The following MMP16 variants were observed in gnomAD, a reference collection of about 807,000 sequenced individuals.
MMP16 encodes matrix metallopeptidase 16.
In MMP16, 12 loss-of-function variants were observed where a neutral mutation model predicts 67.8. The observed-to-expected ratio is 0.18, with a 90% CI of 0.11 to 0.29. The LOEUF (loss-of-function observed/expected upper bound fraction) is 0.29, where lower values mean the gene tolerates loss of function less well. Ranked by LOEUF, MMP16 falls within the 10% of genes least tolerant of loss-of-function variation. The pLI, the probability that MMP16 is intolerant of heterozygous loss-of-function variation, is 1.00. For synonymous variants in MMP16, 249 were observed against 255.9 expected (o/e 0.97, Z 0.26); for missense variants, 475 against 765.7 (o/e 0.62, Z 4.48).
chr8:88,305,625 TAAG>T (rs754524583), intron 1 of MMP16, among the ~76,000 whole-genome samples: 5 of 152,162 alleles, frequency 3.3e-5, no homozygotes, highest in Non-Finnish European at 5.9e-5. Context: ...AACTCAAGAT[TAAG>T]AAGTTCACTC....
At chr8:88,224,648 T>C (rs1006743735) in intron 1 of MMP16, among the ~76,000 whole-genome samples, 1 of 152,030 alleles carries the variant, frequency 6.6e-6, no homozygotes, top group Non-Finnish European at 1.5e-5. Flanking sequence ...AAGTAACCTA[T>C]GCTTGAACTG....
chr8:88,261,262 C>G (rs1318174455), intron 1 of MMP16, among the ~76,000 whole-genome samples: 1 of 152,034 alleles, frequency 6.6e-6, no homozygotes, highest in African/African-American at 2.4e-5. Flanking sequence ...TGTACTGATT[C>G]TGGTTATTTC....
chr8:88,276,469 C>T (rs949459439), intron 1 of MMP16, among the ~76,000 whole-genome samples: 3 of 152,050 alleles, frequency 2.0e-5, no homozygotes, highest in Non-Finnish European at 4.4e-5. Context: ...AAATGCATTG[C>T]TTTGTATTTA....
chr8:88,250,934 T>G (rs1251126703), intron 1 of MMP16, among the ~76,000 whole-genome samples: 2 of 63,662 alleles, frequency 3.1e-5, no homozygotes, highest in South Asian at 5.6e-4. Flanking sequence ...CCCCTCCCCC[T>G]ACCCCACAAC....
At chr8:88,099,888 G>A (rs1455701777) in intron 6 of MMP16, among the ~76,000 whole-genome samples, 1 of 151,872 alleles carries the variant, frequency 6.6e-6, no homozygotes, top group African/African-American at 2.4e-5. Flanking sequence ...CTGATTAGTT[G>A]ATTAATGTCT....
In MMP16 at chr8:88,035,535, CT is replaced by C. The variant is rs1808043391; in HGVS notation, c.*5925del. 6.6e-6 allele frequency: 1 copy of C among 152,006 alleles called. No individual in the cohort carries two copies. Among genetic ancestry groups the C allele is most frequent in the Non-Finnish European group, 1.5e-5 (1 of 67,930 alleles). The allele number at this position is 152,006 out of a possible 1,614,324, so 9.4% of individuals were successfully genotyped here. A position where few individuals can be genotyped will look rare whatever the true frequency, so the allele number is the denominator to read the frequency against. ...ACTTACTCTGCACTGACCATGAGTT[CT>C]GGTTTATGCCCTTATTTGCCTTAGA... On this transcript the variant is annotated 3_prime_UTR_variant, in exon 10 of 10. Coordinates refer to ENST00000286614, the MANE Select transcript of MMP16 (RefSeq NM_005941.5). The surrounding 1 kb of genome is among the most constrained non-coding windows in gnomAD (Gnocchi z 4.7).
chr8:88,306,300 C>T (rs949179330), intron 1 of MMP16, among the ~76,000 whole-genome samples: 1 of 152,060 alleles, frequency 6.6e-6, no homozygotes, highest in Non-Finnish European at 1.5e-5. Flanking sequence ...AAATAGCCTA[C>T]CAACAACAAA....
At chr8:88,259,751 G>A (rs1295309349) in intron 1 of MMP16, among the ~76,000 whole-genome samples, 2 of 152,082 alleles carry the variant, frequency 1.3e-5, no homozygotes, top group Non-Finnish European at 2.9e-5. Flanking sequence ...TGGTTATTTT[G>A]AAGATTATTT....
At chr8:88,146,687 T>C (rs1242717793) in intron 4 of MMP16, among the ~76,000 whole-genome samples, 3 of 151,942 alleles carry the variant, frequency 2.0e-5, no homozygotes, top group East Asian at 3.8e-4. Context: ...AAATGATACT[T>C]CTTTTTTTGG....
At chr8:88,148,140 T>C (rs892852919) in intron 4 of MMP16, among the ~76,000 whole-genome samples, 2 of 152,212 alleles carry the variant, frequency 1.3e-5, no homozygotes, top group Admixed American at 1.3e-4. Flanking sequence ...ATTCTTACTA[T>C]TGCATTTCTA....
At position 88,074,652 on chromosome 8, in the gene MMP16, A is replaced by G; in HGVS notation, c.1175T>C (p.Ile392Thr). Residue 392 changes from isoleucine to threonine, a missense_variant, in exon 7 of 10, where the codon ATC becomes ACC. Physicochemically the swap from Ile to Thr is moderately conservative, Grantham distance 89. Around this residue, in one of 5 missense-constraint regions of MMP16, gnomAD observed 195 missense variants for 300.9 expected, o/e 0.65. Transcript: ENST00000286614. ...GTCGCTATTTTCATAAACTGCATCG[A>G]TACTAGGAGGCAAGCCCCGCCAGAA... ...TYFWRGLPPS[I>T]DAVYENSDGN... The G allele has an allele frequency of 6.2e-7, 1 of 1,613,762 alleles. No homozygotes were observed. Among genetic ancestry groups the G allele is most frequent in the Non-Finnish European group, 8.5e-7 (1 of 1,179,778 alleles).
rs1288367357 is a variant in MMP16, at chr8:88,069,462, C to T, written c.1222+5143G>A. ...CACTGACTGCCTTTGTTCTAGAATC[C>T]ATTTCCAATGGTATTTGTAGAGCCA... On this transcript the variant is annotated intron_variant, in intron 7 of 9. Coordinates refer to ENST00000286614, the MANE Select transcript of MMP16 (RefSeq NM_005941.5). 4 of 531,504 alleles carry T rather than the reference C, an allele frequency of 7.5e-6. No individual in the cohort carries two copies. The Admixed American group carries it at 7.9e-5, about 10-fold the overall frequency. The allele number at this position is 531,504 out of a possible 1,614,324, so 32.9% of individuals were successfully genotyped here. A position where few individuals can be genotyped will look rare whatever the true frequency, so the allele number is the denominator to read the frequency against.
chr8:88,081,112 T>C (rs774109695), intron 6 of MMP16, among the ~76,000 whole-genome samples: 27 of 152,102 alleles, frequency 1.8e-4, no homozygotes, highest in Admixed American at 1.1e-3. Context: ...CAGGTAGCTA[T>C]GTACATCTGG....
chr8:88,232,971 GAA>G (rs1028411718), intron 1 of MMP16, among the ~76,000 whole-genome samples: 2 of 152,278 alleles, frequency 1.3e-5, no homozygotes, highest in Middle Eastern at 3.4e-3. Context: ...GTTAGATTCT[GAA>G]GTCAGGGGAT....
intron 1 of MMP16, among the ~76,000 whole-genome samples, chr8:88,309,757 T>C (rs533553550): frequency 6.6e-6 from 1 of 152,118 alleles, no homozygotes; most frequent in Non-Finnish European, 1.5e-5. Flanking sequence ...GTATTCTCTG[T>C]TTTTATCCTG....
chr8:88,106,877 T>G (rs1257866228), intron 6 of MMP16, among the ~76,000 whole-genome samples: 2 of 151,206 alleles, frequency 1.3e-5, no homozygotes, highest in Non-Finnish European at 3.0e-5. Context: ...TCATAAATAT[T>G]TTCAGCCATG....
chr8:88,256,857 T>C (rs1454827017), intron 1 of MMP16, among the ~76,000 whole-genome samples: 2 of 152,144 alleles, frequency 1.3e-5, no homozygotes, highest in East Asian at 3.9e-4. Flanking sequence ...TAGCCAAATG[T>C]TATTTTATTT....
chr8:88,213,731 TTAATGTCA>T (rs1368019286), intron 1 of MMP16, among the ~76,000 whole-genome samples: 2 of 152,190 alleles, frequency 1.3e-5, no homozygotes, highest in Admixed American at 6.5e-5. Context: ...GGTATTAACT[TTAATGTCA>T]TAATTACATA....
At chr8:88,118,503 A>G (rs1166194958) in intron 5 of MMP16, among the ~76,000 whole-genome samples, 197 bp downstream of exon 5, 1 of 152,078 alleles carries the variant, frequency 6.6e-6, no homozygotes, top group East Asian at 1.9e-4. Flanking sequence ...ACATGTTCCC[A>G]TAATCTATAC....
Sources: allele counts gnomAD v4.1 joint callset (sites outside exome capture counted in the v4.1 genomes callset), GRCh38; gene constraint gnomAD v4.1.1; regional missense constraint gnomAD v4.1.1; non-coding constraint Gnocchi (gnomAD v3.1); transcripts MANE v1.5; gene names NCBI Gene and HGNC (gene_info 2026-07-23, HGNC 2026-07-21).